Variants in GLYATL2 observed in about 807,000 individuals in gnomAD.
GLYATL2 encodes glycine-N-acyltransferase like 2, also known as glycine N-acyltransferase-like protein 2.
GLYATL2 carries 25 observed loss-of-function variants against 21.4 expected under a neutral mutation model. That is an observed-to-expected ratio of 1.17 (90% CI 0.85 to 1.63). GLYATL2 has a LOEUF of 1.63. Ranked by LOEUF, GLYATL2 falls within the 40% of genes most tolerant of loss-of-function variation. GLYATL2 has a pLI of 0.00. For missense variants in GLYATL2, 361 were observed against 343.3 expected (o/e 1.05, Z -0.41); for synonymous variants, 114 against 118.2 (o/e 0.96, Z 0.23).
chr11:58,900,824 G>T (rs1331766655), intron 1 of GLYATL2, among the ~76,000 whole-genome samples: 3 of 152,134 alleles, frequency 2.0e-5, no homozygotes, highest in African/African-American at 4.8e-5. Context: ...TGGCTTTCAT[G>T]GAAGCTACCA....
At chr11:58,838,420 G>C in intron 2 of GLYATL2, 52 bp from the exon 3 acceptor site, 2 of 1,131,922 alleles carry the variant, frequency 1.8e-6, no homozygotes, top group South Asian at 2.6e-5. Flanking sequence ...CTCCAATATA[G>C]AGTCTTATAT....
intron 1 of GLYATL2, among the ~76,000 whole-genome samples, chr11:58,858,189 G>A (rs926898604): frequency 7.2e-5 from 11 of 152,018 alleles, no homozygotes; most frequent in Non-Finnish European, 1.5e-4. Context: ...GAAAGTGGGG[G>A]AAAAAAACTC....
At chr11:58,909,085 T>C (rs747365420), upstream of GLYATL2, among the ~76,000 whole-genome samples, 13 of 152,136 alleles carry the variant, frequency 8.5e-5, no homozygotes, top group Non-Finnish European at 1.8e-4. Context: ...TAATACTAAA[T>C]TGAGACATAA....
intron 1 of GLYATL2, among the ~76,000 whole-genome samples, chr11:58,900,480 C>T (rs1041280415): frequency 6.6e-6 from 1 of 152,188 alleles, no homozygotes; most frequent in Non-Finnish European, 1.5e-5. Flanking sequence ...CTCTCCACTC[C>T]TACTCCCGCC....
chr11:58,889,699 G>A (rs1854506777), intron 1 of GLYATL2, among the ~76,000 whole-genome samples: 1 of 151,598 alleles, frequency 6.6e-6, no homozygotes, highest in African/African-American at 2.4e-5. Flanking sequence ...AAGCCATTCT[G>A]GCCTTTCTAA....
At chr11:58,854,896 AGC>A (rs767448925) in intron 1 of GLYATL2, among the ~76,000 whole-genome samples, 7 of 152,238 alleles carry the variant, frequency 4.6e-5, no homozygotes, top group Non-Finnish European at 1.0e-4. Flanking sequence ...ATCCATAAGA[AGC>A]AATTTCTTAT....
chr11:58,884,004 A>G (rs542878055), intron 1 of GLYATL2, among the ~76,000 whole-genome samples: 1 of 152,356 alleles, frequency 6.6e-6, no homozygotes, highest in East Asian at 1.9e-4. Flanking sequence ...AAAGCCTTCG[A>G]CAAAATTCAA....
At chr11:58,863,527 G>T (rs564228687) in intron 1 of GLYATL2, among the ~76,000 whole-genome samples, 1 of 152,280 alleles carries the variant, frequency 6.6e-6, no homozygotes, top group East Asian at 1.9e-4. Context: ...GAGCACAGCT[G>T]GACCCTGAGT....
chr11:58,902,679 G>T (rs1175628207), intron 1 of GLYATL2, among the ~76,000 whole-genome samples: 1 of 152,106 alleles, frequency 6.6e-6, no homozygotes, highest in African/African-American at 2.4e-5. Flanking sequence ...CTTCTTTGTG[G>T]GTTTGACTAC....
chr11:58,907,324 C>G, upstream of GLYATL2: 1 of 456,296 alleles, frequency 2.2e-6, no homozygotes, highest in Non-Finnish European at 4.4e-6. Flanking sequence ...TTCCAATTGT[C>G]TTTGTCTTGC....
At chr11:58,882,854 C>T (rs1854365683) in intron 1 of GLYATL2, among the ~76,000 whole-genome samples, 1 of 152,122 alleles carries the variant, frequency 6.6e-6, no homozygotes, top group South Asian at 2.1e-4. Context: ...TTAGGTTTGT[C>T]AAAGATCAGA....
chr11:58,867,532 A>G (rs972097528), intron 1 of GLYATL2, among the ~76,000 whole-genome samples: 6 of 148,878 alleles, frequency 4.0e-5, no homozygotes, highest in African/African-American at 1.5e-4. Flanking sequence ...AGATGGAAGA[A>G]CATTCAAGAC....
intron 1 of GLYATL2, among the ~76,000 whole-genome samples, chr11:58,866,342 A>G (rs1590733255): frequency 6.7e-6 from 1 of 148,836 alleles, no homozygotes; most frequent in African/African-American, 2.4e-5. Flanking sequence ...ATGCCTTCCC[A>G]CCAGCCACCA....
At chr11:58,846,794 T>G (rs1853652642), upstream of GLYATL2, among the ~76,000 whole-genome samples, 2 of 152,132 alleles carry the variant, frequency 1.3e-5, no homozygotes, top group Admixed American at 1.3e-4. Context: ...TGAGTCCTAG[T>G]GCTGAATTAG....
At chr11:58,862,057 AAAC>A (rs1853941174) in intron 1 of GLYATL2, among the ~76,000 whole-genome samples, 4 of 2,642 alleles carry the variant, frequency 1.5e-3, no homozygotes, top group South Asian at 0.25. Flanking sequence ...ACAAACAAAC[AAAC>A]AAAAAAAAAC....
intron 1 of GLYATL2, among the ~76,000 whole-genome samples, chr11:58,843,460 G>T (rs1853588630): frequency 6.6e-6 from 1 of 152,158 alleles, no homozygotes; most frequent in African/African-American, 2.4e-5. Flanking sequence ...AATATATTGA[G>T]CTCAGCTCCC....
intron 1 of GLYATL2, chr11:58,885,347 G>C: frequency 3.3e-6 from 1 of 304,410 alleles, no homozygotes; most frequent in Non-Finnish European, 6.5e-6. Context: ...ACTGTCTTTT[G>C]ACCTCCGTTT....
chr11:58,895,859 CTT>C lies in GLYATL2; in HGVS notation n.60+8295_60+8296del, dbSNP rs146831694. Among the ~76,000 whole-genome samples, 453 of 143,400 alleles carry C rather than the reference CTT, an allele frequency of 3.2e-3. 4 individuals are homozygous for C. Among genetic ancestry groups the C allele is most frequent in the African/African-American group, 0.01 (400 of 39,286 alleles). 94.1% of individuals were successfully genotyped at this position (143,400 alleles called of 152,430 possible). ...GGCATATTCAACATGGAGGTTTCCT[CTT>C]TTTTTTTTTTTTGAAGGAGTCTGGC... On this transcript the variant is annotated intron_variant and non_coding_transcript_variant, in intron 1 of 4. Transcript: ENST00000533636.
Position 58,837,305 on chromosome 11 carries a change from A to G in GLYATL2, c.279T>C (p.Asn93=). The change falls in exon 4 of 6, where the codon AAT becomes AAC. Residue 93 remains asparagine (N), a synonymous_variant. Transcript: ENST00000287275. ...GCAAAGTTTGCTCCCAGCTGATTACATTGGAGTATGACAGGACTTCCTCTA... is the reference window on the plus strand; with the variant it reads ...GCAAAGTTTGCTCCCAGCTGATTACGTTGGAGTATGACAGGACTTCCTCTA... The part of the protein sequence containing the change: ...DKLEEVLSYS[N]VISWEQTLQI... The G allele has an allele frequency of 5.6e-6, 9 of 1,613,972 alleles. No homozygotes were observed. Among genetic ancestry groups the G allele is most frequent in the Admixed American group, 1.7e-5 (1 of 60,010 alleles).
Sources: gnomAD v4.1 joint callset for allele counts (sites outside exome capture counted in the v4.1 genomes callset) on GRCh38, gnomAD v4.1.1 for gene constraint, MANE v1.5 for transcripts, NCBI Gene and HGNC (gene_info 2026-07-23, HGNC 2026-07-21) for gene names.